The following LNX1 variants were observed in gnomAD, a reference collection of about 807,000 sequenced individuals.
The protein encoded by LNX1 is E3 ubiquitin-protein ligase LNX.
A neutral mutation model predicts 68.4 loss-of-function variants in LNX1; 54 were observed. That is an observed-to-expected ratio of 0.79 (90% CI 0.63 to 0.99). LNX1 has a LOEUF of 0.99. LNX1 is among the 50% of genes least tolerant of loss of function. The pLI, the probability that LNX1 is intolerant of heterozygous loss-of-function variation, is 0.00. For missense variants in LNX1, 906 were observed against 926.4 expected, an observed-to-expected ratio of 0.98 and a Z score of 0.29; for synonymous variants, 336 against 350.0, an observed-to-expected ratio of 0.96 and a Z score of 0.45.
intron 3 of LNX1, 79 bp downstream of exon 3, chr4:53,507,907 A>G (rs114143863): frequency 0.025 from 38,084 of 1,519,026 alleles, 585 homozygotes; most frequent in Non-Finnish European, 0.031. Flanking sequence ...CATTTACAGA[A>G]CTTTCCACAG....
rs1374282194 is a variant in LNX1, at chr4:53,460,336, G to A, written c.*571C>T. On this transcript the variant is annotated 3_prime_UTR_variant, in exon 11 of 11. Coordinates refer to ENST00000263925, the MANE Select transcript of LNX1 (RefSeq NM_001126328.3). ...AGCATTTTTAGGGATAAGCCTAGGA[G>A]GTATTCATCGGTGATGGTAACAAAT... 1 of 189,334 alleles carries A rather than the reference G, an allele frequency of 5.3e-6. No individual in the cohort carries two copies. The highest frequency in any genetic ancestry group is 2.3e-5 in the African/African-American group (1 of 42,556). The allele number at this position is 189,334 out of a possible 1,614,324, so 11.7% of individuals were successfully genotyped here.
intron 2 of LNX1, among the ~76,000 whole-genome samples, chr4:53,522,811 A>C (rs1425197393): frequency 6.6e-6 from 1 of 152,210 alleles, no homozygotes; most frequent in Non-Finnish European, 1.5e-5. Context: ...ACACAAAACC[A>C]AAACCAAACC....
At chr4:53,468,603 G>A (rs560156130) in intron 9 of LNX1, among the ~76,000 whole-genome samples, 5 of 152,248 alleles carry the variant, frequency 3.3e-5, no homozygotes, top group East Asian at 3.9e-4. Context: ...CCCATCTCAA[G>A]TGCAGAGACA....
intron 6 of LNX1, among the ~76,000 whole-genome samples, chr4:53,482,225 C>T (rs1446953340): frequency 1.3e-5 from 2 of 152,036 alleles, no homozygotes; most frequent in African/African-American, 4.8e-5. Flanking sequence ...AGTAGCAGCC[C>T]AAAGCAAAGA....
chr4:53,505,728 G>A lies in LNX1; in HGVS notation c.775+1589C>T, dbSNP rs148474204. Among the ~76,000 whole-genome samples the A allele has an allele frequency of 5.2e-4, 79 of 152,306 alleles. 1 individual carries two copies. The East Asian group carries it at 0.013, about 26-fold the overall frequency. The stretch of plus-strand genomic sequence containing the variant: ...ACAAAGATTCAGAAAAATAATCCCT[G>A]CACTTTGAGGTACAGTTACATGAAA... On this transcript the variant is annotated intron_variant, in intron 4 of 10. Coordinates refer to ENST00000263925, the MANE Select transcript of LNX1 (RefSeq NM_001126328.3).
At position 53,554,244 on chromosome 4, in the gene LNX1, T is replaced by C. The variant is rs1276220585; in HGVS notation, c.380+19379A>G. On this transcript the variant is annotated intron_variant, in intron 2 of 10. Coordinates refer to ENST00000263925, the MANE Select transcript of LNX1 (RefSeq NM_001126328.3). Reference sequence around the variant, plus strand: ...CTGCCACTGGACTCTCTCCCCTATATGTAAGTCCCCAGTAAAACCCAGTGT... The same window carrying C: ...CTGCCACTGGACTCTCTCCCCTATACGTAAGTCCCCAGTAAAACCCAGTGT... Among the ~76,000 whole-genome samples, 3 of 152,270 alleles carry C rather than the reference T, an allele frequency of 2.0e-5. No individual in the cohort carries two copies. The East Asian group carries it at 5.8e-4, about 29-fold the overall frequency.
chr4:53,591,604 T>TAGATTGCTTTCAATCCC, upstream of LNX1: 1 of 985,114 alleles, frequency 1.0e-6, no homozygotes, highest in Non-Finnish European at 1.2e-6. Flanking sequence ...TGCTGAGACC[T>TAGATTGCTTTCAATCCC]TAGGGATTGA....
intron 2 of LNX1, among the ~76,000 whole-genome samples, chr4:53,568,552 C>A (rs1304115191): frequency 1.4e-5 from 2 of 141,238 alleles, no homozygotes; most frequent in Admixed American, 7.1e-5. Context: ...ACTGAATGGG[C>A]AAAAACTGGA....
At chr4:53,575,595 A>G (rs1731431155) in intron 1 of LNX1, 1 of 1,286,488 alleles carries the variant, frequency 7.8e-7, no homozygotes, top group Middle Eastern at 2.6e-4. Flanking sequence ...ATGGTGATTA[A>G]GAATCCCACC....
chr4:53,581,757 G>T (rs1488655636), intron 1 of LNX1, among the ~76,000 whole-genome samples: 1 of 152,166 alleles, frequency 6.6e-6, no homozygotes, highest in Non-Finnish European at 1.5e-5. Flanking sequence ...GATTATGGAA[G>T]CTACAATACA....
intron 2 of LNX1, among the ~76,000 whole-genome samples, chr4:53,608,460 T>G (rs1209796399): frequency 6.6e-6 from 1 of 151,980 alleles, no homozygotes. Flanking sequence ...AAGTCAAAAA[T>G]AGCAGAAGCT....
At chr4:53,508,401 T>C (rs1726084173) in intron 2 of LNX1, 174 bp from the exon 3 acceptor site, 1 of 753,582 alleles carries the variant, frequency 1.3e-6, no homozygotes, top group Non-Finnish European at 2.1e-6. Context: ...TCAATATACA[T>C]TTGCCAACCA....
At chr4:53,537,073 GGTTT>G (rs1728427584) in intron 2 of LNX1, among the ~76,000 whole-genome samples, 1 of 152,116 alleles carries the variant, frequency 6.6e-6, no homozygotes, top group African/African-American at 2.4e-5. Context: ...CTCACCTCTA[GGTTT>G]GTTTACTTTG....
chr4:53,565,005 G>A (rs1193822138), intron 2 of LNX1, among the ~76,000 whole-genome samples: 3 of 152,166 alleles, frequency 2.0e-5, no homozygotes, highest in Non-Finnish European at 4.4e-5. Flanking sequence ...CCTACCCCAC[G>A]GAGTCTCGCT....
chr4:53,602,756 T>G (rs1733069361), intron 2 of LNX1: 1 of 152,280 alleles, frequency 6.6e-6, no homozygotes, highest in South Asian at 2.1e-4. Context: ...AAGGCTTCAG[T>G]CTGATCACCT....
rs368964234 is a variant in LNX1, at chr4:53,573,689, C to G, written c.314G>C (p.Cys105Ser). ...NKLLNKLLVT[C>S]PFREHCTQVL... ...CTGGGTGCAGTGCTCCCTGAATGGG[C>G]AGGTCACCAGTAGCTTGTTGAGGAG... Residue 105 changes from cysteine (C) to serine (S), a missense_variant, in exon 2 of 11, where the codon TGC becomes TCC. Physicochemically the swap from Cys to Ser is moderately radical, Grantham distance 112. Coordinates refer to ENST00000263925, the MANE Select transcript of LNX1 (RefSeq NM_001126328.3). 3 of 1,609,318 alleles carry G rather than the reference C, an allele frequency of 1.9e-6. No individual in the cohort carries two copies. Among genetic ancestry groups the G allele is most frequent in the East Asian group, 4.5e-5 (2 of 44,748 alleles).
At chr4:53,652,428 G>T (rs1277457944) in exon 1 of LNX1, 1 of 152,316 alleles carries the variant, frequency 6.6e-6, no homozygotes, top group Non-Finnish European at 1.5e-5. Flanking sequence ...TCGAGGGAGA[G>T]TGGTCCCCTG....
At chr4:53,475,760 G>A (rs902767949) in intron 9 of LNX1, among the ~76,000 whole-genome samples, 16 of 152,260 alleles carry the variant, frequency 1.1e-4, no homozygotes, top group Admixed American at 5.9e-4. Context: ...CCATTTTGTA[G>A]GGCTGACCCC....
intron 2 of LNX1, among the ~76,000 whole-genome samples, chr4:53,521,397 C>T (rs1264093130): frequency 6.6e-6 from 1 of 152,170 alleles, no homozygotes; most frequent in Non-Finnish European, 1.5e-5. Flanking sequence ...CTCAGAATAA[C>T]CAAGATATCT....
Sources: allele counts gnomAD v4.1 joint callset (sites outside exome capture counted in the v4.1 genomes callset), GRCh38; gene constraint gnomAD v4.1.1; transcripts MANE v1.5; gene names NCBI Gene and HGNC (gene_info 2026-07-23, HGNC 2026-07-21).